Variants in CPT1A observed in about 807,000 individuals in gnomAD.
CPT1A encodes the protein carnitine O-palmitoyltransferase 1, liver isoform.
A neutral mutation model predicts 100.8 loss-of-function variants in CPT1A; 64 were observed. That is an observed-to-expected ratio of 0.63 (90% CI 0.52 to 0.78). The LOEUF (loss-of-function observed/expected upper bound fraction) is 0.78, where lower values mean the gene tolerates loss of function less well. Among genes scored for constraint, CPT1A ranks in the 30% least tolerant of loss-of-function variants. The pLI is 0.00. For missense variants in CPT1A, 802 were observed against 1,034.1 expected, an observed-to-expected ratio of 0.78 and a Z score of 3.08; for synonymous variants, 363 against 396.0, an observed-to-expected ratio of 0.92 and a Z score of 0.99.
At chr11:68,829,112 C>T (rs753685033) in intron 1 of CPT1A, among the ~76,000 whole-genome samples, 1 of 152,186 alleles carries the variant, frequency 6.6e-6, no homozygotes, top group African/African-American at 2.4e-5. Context: ...CTGAGAACGC[C>T]GGCACCTGCC....
At chr11:68,804,377 A>G (rs1855989266) in intron 4 of CPT1A, among the ~76,000 whole-genome samples, 1 of 152,060 alleles carries the variant, frequency 6.6e-6, no homozygotes, top group Non-Finnish European at 1.5e-5. Context: ...TAAGCATATA[A>G]CCCTGCCCTC....
chr11:68,835,292 C>G (rs372709194), intron 1 of CPT1A, among the ~76,000 whole-genome samples: 9 of 152,296 alleles, frequency 5.9e-5, no homozygotes, highest in African/African-American at 1.9e-4. Context: ...AGGAGGAGAC[C>G]TGCACCTGCC....
At chr11:68,836,748 G>A (rs1857018882) in intron 1 of CPT1A, among the ~76,000 whole-genome samples, 1 of 151,460 alleles carries the variant, frequency 6.6e-6, no homozygotes, top group Admixed American at 6.6e-5. Context: ...CTCCAGCCTG[G>A]GCAACAGAGT....
At chr11:68,778,204 G>T (rs1313608339) in intron 12 of CPT1A, among the ~76,000 whole-genome samples, 1 of 152,002 alleles carries the variant, frequency 6.6e-6, no homozygotes, top group Admixed American at 6.6e-5. Flanking sequence ...GGTAGAGGAA[G>T]ATGAGACAGG....
chr11:68,788,301 T>C (rs2153998929), intron 9 of CPT1A, among the ~76,000 whole-genome samples: 1 of 151,670 alleles, frequency 6.6e-6, no homozygotes, highest in South Asian at 2.1e-4. Context: ...TAAAATCGCC[T>C]AAAAAACAAA....
At chr11:68,830,654 C>T (rs1281295079) in intron 1 of CPT1A, among the ~76,000 whole-genome samples, 2 of 152,234 alleles carry the variant, frequency 1.3e-5, no homozygotes. Flanking sequence ...CTCTCCCTGT[C>T]ACCTGCCCCT....
At chr11:68,780,772 T>A (rs376706366) in intron 11 of CPT1A, 27 bp from the exon 12 acceptor site, 2 of 1,595,734 alleles carry the variant, frequency 1.3e-6, no homozygotes, top group South Asian at 1.1e-5. Context: ...TGTGTGGAAC[T>A]TAAGTGTTTA....
At chr11:68,829,233 A>T (rs1856820615) in intron 1 of CPT1A, among the ~76,000 whole-genome samples, 1 of 152,154 alleles carries the variant, frequency 6.6e-6, no homozygotes, top group Non-Finnish European at 1.5e-5. Context: ...TCTGCTCTAC[A>T]GCCCAGCCTT....
intron 1 of CPT1A, among the ~76,000 whole-genome samples, chr11:68,835,734 C>T (rs927508261): frequency 4.6e-5 from 7 of 152,236 alleles, no homozygotes; most frequent in African/African-American, 1.7e-4. Flanking sequence ...CTCCAAAACC[C>T]AGGCCCTCTG....
intron 6 of CPT1A, among the ~76,000 whole-genome samples, chr11:68,797,545 C>T (rs777224859): frequency 2.5e-4 from 38 of 152,112 alleles, no homozygotes; most frequent in Non-Finnish European, 4.0e-4. Context: ...TGGTGGCTCA[C>T]GCCTGTAGTC....
intron 1 of CPT1A, among the ~76,000 whole-genome samples, chr11:68,827,438 C>A (rs907912841): frequency 7.2e-5 from 11 of 152,154 alleles, no homozygotes; most frequent in African/African-American, 2.7e-4. Context: ...AACACACAGG[C>A]AAGCAGAGAA....
At chr11:68,798,622 A>G (rs1448124075) in intron 6 of CPT1A, among the ~76,000 whole-genome samples, 1 of 151,978 alleles carries the variant, frequency 6.6e-6, no homozygotes, top group East Asian at 1.9e-4. Flanking sequence ...GCCACACTCA[A>G]CCCCAGGGAG....
chr11:68,760,103 C>T, intron 17 of CPT1A, 122 bp downstream of exon 17: 2 of 725,644 alleles, frequency 2.8e-6, no homozygotes, highest in Admixed American at 2.1e-5. Context: ...AGCAGTAATT[C>T]CTTTACGGCG....
intron 1 of CPT1A, among the ~76,000 whole-genome samples, chr11:68,833,469 A>G (rs1856929097): frequency 6.6e-6 from 1 of 152,250 alleles, no homozygotes; most frequent in Admixed American, 6.5e-5. Flanking sequence ...GTTGTTTCCC[A>G]AACTTGGCTG....
intron 5 of CPT1A, among the ~76,000 whole-genome samples, chr11:68,800,035 A>G (rs1273198900): frequency 6.6e-6 from 1 of 152,188 alleles, no homozygotes; most frequent in African/African-American, 2.4e-5. Flanking sequence ...CCTTAATAAA[A>G]GATCTGTTCT....
intron 14 of CPT1A, among the ~76,000 whole-genome samples, chr11:68,768,444 T>C (rs1854888143): frequency 6.6e-6 from 1 of 151,928 alleles, no homozygotes; most frequent in South Asian, 2.1e-4. Context: ...TTGTTCTTAT[T>C]GCTCAGGTTG....
intron 4 of CPT1A, among the ~76,000 whole-genome samples, chr11:68,806,483 T>C (rs7104634): frequency 0.05 from 7,547 of 151,950 alleles, 617 homozygotes; most frequent in African/African-American, 0.17. Context: ...TAAAAATTAG[T>C]CAGCCATGGT....
intron 6 of CPT1A, among the ~76,000 whole-genome samples, chr11:68,797,550 G>A (rs1023835923): frequency 3.9e-5 from 6 of 152,182 alleles, no homozygotes; most frequent in African/African-American, 1.2e-4. Context: ...GCTCACGCCT[G>A]TAGTCTCAGC....
chr11:68,784,873 T>C lies in CPT1A; in HGVS notation c.1105A>G (p.Asn369Asp). The change falls in exon 10 of 19, where the codon AAT becomes GAT. Residue 369 changes from asparagine (N) to aspartate (D), a missense_variant. Physicochemically the swap from Asn to Asp is conservative, Grantham distance 23 (BLOSUM62 1). Transcript: ENST00000265641. Reference protein sequence around the residue: ...MEQQMQRILDNTSEPQPGEAR... With the variant: ...MEQQMQRILDDTSEPQPGEAR... ...TCCCCGGGCTGAGGCTCCGAGGTAT[T>C]GTCCAGGATCCTCTGCATCTGCTGC... The C allele has an allele frequency of 6.2e-7, 1 of 1,613,888 alleles. No homozygotes were observed. The highest frequency in any genetic ancestry group is 1.1e-5 in the South Asian group (1 of 91,088).
Sources: allele counts gnomAD v4.1 joint callset (sites outside exome capture counted in the v4.1 genomes callset), GRCh38; gene constraint gnomAD v4.1.1; transcripts MANE v1.5; gene names NCBI Gene and HGNC (gene_info 2026-07-23, HGNC 2026-07-21).